CORO7: variants seen among roughly 807,000 people sequenced by gnomAD.
CORO7 encodes the protein coronin-7.
Under a neutral mutation model 126.6 loss-of-function variants are expected in CORO7, and 107 were observed. The ratio of observed to expected loss-of-function variants is 0.85; its 90% confidence interval spans 0.72 to 0.99. The LOEUF (loss-of-function observed/expected upper bound fraction) is 0.99. Ranked by LOEUF, CORO7 falls within the 50% of genes least tolerant of loss-of-function variation. CORO7 has a pLI of 0.00. For synonymous variants in CORO7, 603 were observed against 536.8 expected (o/e 1.12, Z -1.70); for missense variants, 1,314 against 1,255.8 (o/e 1.05, Z -0.70).
chr16:4,368,713 A>C (rs1365497443), intron 9 of CORO7, among the ~76,000 whole-genome samples: 1 of 149,352 alleles, frequency 6.7e-6, no homozygotes, highest in Non-Finnish European at 1.5e-5. Flanking sequence ...GCACCACTGC[A>C]TTCCAGCCTT....
chr16:4,407,712 C>T (rs1470350143), intron 4 of CORO7, 28 bp from the exon 5 acceptor site: 3 of 1,551,620 alleles, frequency 1.9e-6, no homozygotes, highest in East Asian at 4.5e-5. Flanking sequence ...TCCGTGAGCA[C>T]AGGGCTGAGG....
chr16:4,358,247 G>T, intron 24 of CORO7, 120 bp downstream of exon 24: 15 of 1,529,620 alleles, frequency 9.8e-6, no homozygotes, highest in East Asian at 2.3e-5. Flanking sequence ...AGCAGAAGGG[G>T]GTAGGTGTCC....
At chr16:4,375,996 G>A (rs1232169175) in intron 9 of CORO7, among the ~76,000 whole-genome samples, 1 of 152,200 alleles carries the variant, frequency 6.6e-6, no homozygotes, top group Non-Finnish European at 1.5e-5. Flanking sequence ...ATTATCTGTG[G>A]AATGAAGAGC....
intron 6 of CORO7, among the ~76,000 whole-genome samples, chr16:4,403,241 T>C (rs1461909697): frequency 1.3e-5 from 2 of 152,162 alleles, no homozygotes; most frequent in Non-Finnish European, 2.9e-5. Context: ...TGGGCATCAC[T>C]GGCTGCCCTA....
At position 4,392,459 on chromosome 16, in the gene CORO7, G is replaced by A. The variant is rs2055428950; in HGVS notation, c.615+2830C>T. ...AAGAACCAAGCATGGGTGTGAGGAG[G>A]AGCCTCCCCAGGGTCCCCTGCTCAA... is the stretch of plus-strand genomic sequence containing the variant. On this transcript the variant is annotated intron_variant, in intron 7 of 27. Coordinates refer to ENST00000251166, the MANE Select transcript of CORO7 (RefSeq NM_024535.5). 5.3e-5 allele frequency among the ~76,000 whole-genome samples: 8 copies of A among 152,322 alleles called. No homozygotes were observed. The South Asian group carries it at 1.7e-3, about 32-fold the overall frequency.
intron 6 of CORO7, among the ~76,000 whole-genome samples, chr16:4,402,612 G>C (rs2141304035): frequency 6.6e-6 from 1 of 152,282 alleles, no homozygotes; most frequent in Middle Eastern, 3.4e-3. Flanking sequence ...GGGCGCTGGG[G>C]CTAAGGGCGG....
At position 4,361,062 on chromosome 16, in the gene CORO7, G is replaced by C. The variant is rs1437022577; in HGVS notation, c.1798C>G (p.Leu600Val). The C allele has an allele frequency of 6.2e-7, 1 of 1,613,388 alleles. No homozygotes were observed. The highest frequency in any genetic ancestry group is 1.7e-5 in the Admixed American group (1 of 60,032). Reference protein sequence around the residue: ...LTGHTEKICSLRFHPLAANVL... With the variant: ...LTGHTEKICSVRFHPLAANVL... ...TTGGCTGCCAGTGGGTGGAAGCGCA[G>C]GGAGCAGATCTTCTCCGTGTGGCCT... The change falls in exon 19 of 28, where the codon CTG becomes GTG. Residue 600 changes from leucine to valine, a missense_variant. Coordinates refer to ENST00000251166, the MANE Select transcript of CORO7 (RefSeq NM_024535.5).
chr16:4,358,480 G>A lies in CORO7; in HGVS notation c.2344C>T (p.Leu782Phe), dbSNP rs756141624. The A allele has an allele frequency of 6.3e-7, 1 of 1,591,834 alleles. No individual in the cohort carries two copies. Among genetic ancestry groups the A allele is most frequent in the South Asian group, 1.1e-5 (1 of 89,868 alleles). ...SFTSPDPHKG[L>F]VLLPKTECDV... is the part of the protein sequence containing the mutation. Reference sequence around the variant, plus strand: ...CACTCCGTCTTAGGCAGGAGGACGAGGCCCTGGGGGAGCAAGGGAGTCGGA... The same window carrying A: ...CACTCCGTCTTAGGCAGGAGGACGAAGCCCTGGGGGAGCAAGGGAGTCGGA... Residue 782 changes from leucine (L) to phenylalanine (F), a missense_variant, in exon 24 of 28, where the codon CTC becomes TTC. Leu to Phe is a conservative substitution (Grantham distance 22). Coordinates refer to ENST00000251166, the MANE Select transcript of CORO7 (RefSeq NM_024535.5).
intron 5 of CORO7, among the ~76,000 whole-genome samples, chr16:4,406,057 TG>T (rs1366599892): frequency 6.6e-6 from 1 of 152,248 alleles, no homozygotes; most frequent in Non-Finnish European, 1.5e-5. Flanking sequence ...TGGAGTGCAG[TG>T]GTGCAATCTC....
intron 23 of CORO7, 113 bp from the exon 24 acceptor site, chr16:4,358,596 G>A (rs1032681490): frequency 2.1e-6 from 2 of 932,336 alleles, no homozygotes; most frequent in Admixed American, 2.7e-5. Context: ...CCTAGGGCCT[G>A]TCCCTGGACA....
intron 9 of CORO7, chr16:4,381,717 T>A: frequency 6.2e-7 from 1 of 1,606,974 alleles, no homozygotes. Context: ...AGGCCCTGCC[T>A]GGCGACCTCT....
At chr16:4,390,558 G>C (rs2055351816) in intron 7 of CORO7, among the ~76,000 whole-genome samples, 1 of 152,224 alleles carries the variant, frequency 6.6e-6, no homozygotes, top group South Asian at 2.1e-4. Flanking sequence ...GAAGCAGAGA[G>C]ACCCGCTCAG....
intron 9 of CORO7, among the ~76,000 whole-genome samples, chr16:4,385,953 C>T (rs1435039414): frequency 6.6e-6 from 1 of 152,252 alleles, no homozygotes; most frequent in African/African-American, 2.4e-5. Flanking sequence ...GCCGTGCCCA[C>T]AGATGACACT....
chr16:4,368,888 G>T (rs989449699), intron 9 of CORO7, among the ~76,000 whole-genome samples: 7 of 152,330 alleles, frequency 4.6e-5, no homozygotes, highest in South Asian at 2.1e-4. Flanking sequence ...AGGCTGGGAG[G>T]AGTGGAAACA....
At chr16:4,356,193 T>C (rs1256765934) in intron 26 of CORO7, among the ~76,000 whole-genome samples, 1 of 151,970 alleles carries the variant, frequency 6.6e-6, no homozygotes, top group African/African-American at 2.4e-5. Context: ...CCTCAGGTGA[T>C]CCGCCCTCCT....
Position 4,364,657 on chromosome 16 carries a change from G to A in CORO7, c.1077C>T (p.Asp359=). Residue 359 remains aspartate, a synonymous_variant, in exon 13 of 28, where the codon GAC becomes GAT. Transcript: ENST00000251166. ...CGGTGGCAGGCACACAGCCGGCAGT[G>A]TCCGGGAACAGGTCCTCGTGGAACT... The part of the protein sequence containing the change: ...AVEFHEDLFP[D]TAGCVPATDP... The A allele has an allele frequency of 1.3e-6, 2 of 1,581,882 alleles. No homozygotes were observed. Among genetic ancestry groups the A allele is most frequent in the Non-Finnish European group, 8.6e-7 (1 of 1,164,846 alleles).
intron 8 of CORO7, 132 bp downstream of exon 8, chr16:4,388,413 C>T: frequency 9.8e-7 from 1 of 1,018,822 alleles, no homozygotes; most frequent in Non-Finnish European, 1.4e-6. Context: ...CCCGGCAGCA[C>T]AGCCAGGCCG....
intron 7 of CORO7, among the ~76,000 whole-genome samples, chr16:4,394,408 C>T (rs1202558068): frequency 2.6e-5 from 4 of 151,014 alleles, no homozygotes; most frequent in South Asian, 2.1e-4. Context: ...GAGATCACAA[C>T]GCTACACTCC....
At chr16:4,401,385 C>G (rs2055800962) in intron 6 of CORO7, among the ~76,000 whole-genome samples, 1 of 152,216 alleles carries the variant, frequency 6.6e-6, no homozygotes, top group Non-Finnish European at 1.5e-5. Context: ...GCCAGGTCTC[C>G]CTGGTCTGCC....
Sources: gnomAD v4.1 joint callset for allele counts (sites outside exome capture counted in the v4.1 genomes callset) on GRCh38, gnomAD v4.1.1 for gene constraint, MANE v1.5 for transcripts, NCBI Gene and HGNC (gene_info 2026-07-23, HGNC 2026-07-21) for gene names.